Variants in SLC45A4 observed in about 807,000 individuals in gnomAD.
SLC45A4 encodes polyamine-transporter SLC45A4.
A neutral mutation model predicts 63.7 loss-of-function variants in SLC45A4; 32 were observed. That is an observed-to-expected ratio of 0.50 (90% CI 0.38 to 0.67). The LOEUF is 0.67. Among genes scored for constraint, SLC45A4 ranks in the 30% least tolerant of loss-of-function variants. SLC45A4 has a pLI of 0.00. For missense variants in SLC45A4, 1,027 were observed against 1,157.7 expected, an observed-to-expected ratio of 0.89 and a Z score of 1.64; for synonymous variants, 535 against 510.0, an observed-to-expected ratio of 1.05 and a Z score of -0.66.
rs1168043135 is a variant in SLC45A4, at chr8:141,207,244, T to C, written c.*4328A>G. Reference sequence around the variant, plus strand: ...CAGACACAAGGAGGTTCTGTGTGCATGGAGGAAATCAGGGCGCCGCACAGC... The same window carrying C: ...CAGACACAAGGAGGTTCTGTGTGCACGGAGGAAATCAGGGCGCCGCACAGC... On this transcript the variant is annotated 3_prime_UTR_variant, in exon 9 of 9. Transcript: ENST00000517878. The C allele has an allele frequency of 2.0e-5, 3 of 152,362 alleles. No individual in the cohort carries two copies. The highest frequency in any genetic ancestry group is 6.5e-5 in the Admixed American group (1 of 15,286). The allele number at this position is 152,362 out of a possible 1,614,324, so 9.4% of individuals were successfully genotyped here. A position where few individuals can be genotyped will look rare whatever the true frequency, so the allele number is the denominator to read the frequency against.
At chr8:141,303,861 G>C (rs1830821222) in intron 1 of SLC45A4, among the ~76,000 whole-genome samples, 1 of 152,142 alleles carries the variant, frequency 6.6e-6, no homozygotes, top group Non-Finnish European at 1.5e-5. Context: ...CCCTCACTGG[G>C]GCCTGGGCCC....
intron 1 of SLC45A4, among the ~76,000 whole-genome samples, chr8:141,288,485 C>T (rs73368309): frequency 0.033 from 4,997 of 152,326 alleles, 143 homozygotes; most frequent in Middle Eastern, 0.085. Context: ...TGATGGGGAC[C>T]ACGCCTGGTT....
chr8:141,258,990 T>C (rs1828934904), intron 1 of SLC45A4, among the ~76,000 whole-genome samples: 1 of 152,008 alleles, frequency 6.6e-6, no homozygotes, highest in Admixed American at 6.5e-5. Context: ...AAAGGCCCTG[T>C]GTCCTTAGTA....
intron 1 of SLC45A4, among the ~76,000 whole-genome samples, chr8:141,280,505 GCT>G (rs1829892291): frequency 6.6e-6 from 1 of 152,236 alleles, no homozygotes; most frequent in Non-Finnish European, 1.5e-5. Context: ...GTTGGGGCCA[GCT>G]CTGAGAGCAG....
intron 1 of SLC45A4, among the ~76,000 whole-genome samples, chr8:141,266,200 G>A (rs1012536380): frequency 1.3e-5 from 2 of 152,182 alleles, no homozygotes; most frequent in African/African-American, 4.8e-5. Flanking sequence ...CGTCCGCACG[G>A]TGACCACAAA....
At chr8:141,245,450 C>T (rs981963062) in intron 2 of SLC45A4, among the ~76,000 whole-genome samples, 4 of 152,190 alleles carry the variant, frequency 2.6e-5, no homozygotes, top group African/African-American at 9.7e-5. Context: ...AACAATGGGC[C>T]TTCCGCTCCA....
rs372525782 is a variant in SLC45A4, at chr8:141,278,748, G to T, written c.-400-24119C>A. Among the ~76,000 whole-genome samples the T allele has an allele frequency of 2.0e-5, 3 of 152,258 alleles. No individual in the cohort carries two copies. The highest frequency in any genetic ancestry group is 6.5e-5 in the Admixed American group (1 of 15,290). On this transcript the variant is annotated intron_variant, in intron 1 of 8. Transcript: ENST00000517878. This position sits in a 1 kb window ranked among gnomAD's most constrained non-coding sequence, Gnocchi z 4.1. Reference sequence around the variant, plus strand: ...AGAGGAAGCTGGGCTCCTTGCTAACGTCTCAACAAGGCACAGACGCACCCG... The same window carrying T: ...AGAGGAAGCTGGGCTCCTTGCTAACTTCTCAACAAGGCACAGACGCACCCG...
At chr8:141,277,800 C>A (rs1366361114) in intron 1 of SLC45A4, among the ~76,000 whole-genome samples, 2 of 151,980 alleles carry the variant, frequency 1.3e-5, no homozygotes, top group African/African-American at 4.8e-5. Flanking sequence ...CCACCACGCC[C>A]GGCTAATTTT....
intron 1 of SLC45A4, among the ~76,000 whole-genome samples, chr8:141,265,194 C>T (rs753350399): frequency 4.6e-5 from 7 of 152,206 alleles, no homozygotes; most frequent in Non-Finnish European, 1.0e-4. Context: ...GTGGACACCT[C>T]GAGGCCCTCT....
intron 2 of SLC45A4, among the ~76,000 whole-genome samples, chr8:141,232,586 C>T (rs377676109): frequency 6.6e-5 from 10 of 151,762 alleles, no homozygotes; most frequent in South Asian, 6.3e-4. Context: ...CCCAGGTGAG[C>T]GCTCATGAGC....
Position 141,229,373 on chromosome 8 carries a change from C to G in SLC45A4, c.242-7608G>C, listed in dbSNP as rs1827216277. Among the ~76,000 whole-genome samples, 1 of 152,112 alleles carries G rather than the reference C, an allele frequency of 6.6e-6. No individual in the cohort carries two copies. Among genetic ancestry groups the G allele is most frequent in the South Asian group, 2.1e-4 (1 of 4,830 alleles). ...AGCCCATGCCAGACCGCTTCCCTCT[C>G]CACACCAGACTCCAACCGCCCACCC... On this transcript the variant is annotated intron_variant, in intron 2 of 8. Coordinates refer to ENST00000517878, the MANE Select transcript of SLC45A4 (RefSeq NM_001286646.2). This position sits in a 1 kb window ranked among gnomAD's most constrained non-coding sequence, Gnocchi z 5.0.
intron 2 of SLC45A4, among the ~76,000 whole-genome samples, chr8:141,252,888 CCTGTGTGTCTGTG>C (rs1828559738): frequency 1.3e-5 from 2 of 151,730 alleles, no homozygotes; most frequent in Non-Finnish European, 2.9e-5. Flanking sequence ...TTCATATCCA[CCTGTGTGTCTGTG>C]AATTTTCGTG....
intron 2 of SLC45A4, among the ~76,000 whole-genome samples, chr8:141,239,133 CA>C (rs1265244722): frequency 6.6e-6 from 1 of 152,200 alleles, no homozygotes; most frequent in Non-Finnish European, 1.5e-5. Context: ...CTTGCTGTGA[CA>C]AAGCCCTACC....
At chr8:141,293,974 C>T (rs1432957133) in intron 1 of SLC45A4, among the ~76,000 whole-genome samples, 2 of 150,288 alleles carry the variant, frequency 1.3e-5, no homozygotes, top group African/African-American at 4.9e-5. Flanking sequence ...AAATCATCCG[C>T]GGTAAAGATC....
intron 8 of SLC45A4, 56 bp downstream of exon 8, chr8:141,212,141 C>CCCCCCCCGGGGGGG: frequency 3.6e-6 from 4 of 1,109,162 alleles, no homozygotes; most frequent in Non-Finnish European, 4.4e-6. Flanking sequence ...CCCCGCCGCC[C>CCCCCCCCGGGGGGG]GCCCGCCCGC....
intron 1 of SLC45A4, among the ~76,000 whole-genome samples, chr8:141,302,119 T>G (rs1463819025): frequency 6.6e-6 from 1 of 152,210 alleles, no homozygotes; most frequent in Non-Finnish European, 1.5e-5. Context: ...TATTTAACAT[T>G]GGATACTTTT....
chr8:141,228,346 G>A (rs919565962), intron 2 of SLC45A4: 7 of 1,582,704 alleles, frequency 4.4e-6, no homozygotes, highest in Non-Finnish European at 6.0e-6. Context: ...TCTTCAACAA[G>A]GAGGGGCGCC....
chr8:141,248,191 T>C (rs1220087496), intron 2 of SLC45A4, among the ~76,000 whole-genome samples: 1 of 152,168 alleles, frequency 6.6e-6, no homozygotes, highest in East Asian at 1.9e-4. Context: ...GAGTTCTTAA[T>C]TGAAAAAGAA....
At position 141,211,515 on chromosome 8, in the gene SLC45A4, G is replaced by C. The variant is rs1469268672; in HGVS notation, c.*57C>G. 1 of 1,612,210 alleles carries C rather than the reference G, an allele frequency of 6.2e-7. No individual in the cohort carries two copies. Among genetic ancestry groups the C allele is most frequent in the East Asian group, 2.2e-5 (1 of 44,878 alleles). ...GTGTGCGGTCGCTGCCCAAGGACAG[G>C]GCTGCCCTGGGCACAATGTGTCCAA... On this transcript the variant is annotated 3_prime_UTR_variant, in exon 9 of 9. Transcript: ENST00000517878.
Sources: gnomAD v4.1 joint callset for allele counts (sites outside exome capture counted in the v4.1 genomes callset) on GRCh38, gnomAD v4.1.1 for gene constraint, Gnocchi (gnomAD v3.1) non-coding constraint, MANE v1.5 for transcripts, NCBI Gene and HGNC (gene_info 2026-07-23, HGNC 2026-07-21) for gene names.